Variants in RASAL2 observed in about 807,000 individuals in gnomAD.
RASAL2 encodes ras GTPase-activating protein nGAP.
A neutral mutation model predicts 128.9 loss-of-function variants in RASAL2; 58 were observed. The ratio of observed to expected loss-of-function variants is 0.45; its 90% CI spans 0.36 to 0.56. The LOEUF (loss-of-function observed/expected upper bound fraction) is 0.56. Among genes scored for constraint, RASAL2 ranks in the 20% least tolerant of loss-of-function variants. The pLI, the probability that RASAL2 is intolerant of heterozygous loss-of-function variation, is 0.00. For missense variants in RASAL2, 1,360 were observed against 1,601.6 expected, an observed-to-expected ratio of 0.85 and a Z score of 2.57; for synonymous variants, 561 against 580.8, an observed-to-expected ratio of 0.97 and a Z score of 0.49.
intron 2 of RASAL2, among the ~76,000 whole-genome samples, chr1:178,289,593 G>A (rs913629934): frequency 6.6e-6 from 1 of 152,032 alleles, no homozygotes; most frequent in Non-Finnish European, 1.5e-5. Flanking sequence ...GGGATTACAG[G>A]CATGAGCCAC....
At chr1:178,142,175 T>C (rs754179208) in intron 1 of RASAL2, among the ~76,000 whole-genome samples, 9 of 152,156 alleles carry the variant, frequency 5.9e-5, no homozygotes, top group Non-Finnish European at 1.2e-4. Flanking sequence ...GCCTGGATTT[T>C]TGGGTTCCTT....
At chr1:178,433,244 A>G (rs915382967) in intron 5 of RASAL2, among the ~76,000 whole-genome samples, 1 of 151,988 alleles carries the variant, frequency 6.6e-6, no homozygotes, top group Non-Finnish European at 1.5e-5. Flanking sequence ...AGTGAAATCC[A>G]CCCCATCCCC....
chr1:178,279,796 G>A (rs1229511487), intron 1 of RASAL2, among the ~76,000 whole-genome samples: 1 of 152,156 alleles, frequency 6.6e-6, no homozygotes, highest in African/African-American at 2.4e-5. Flanking sequence ...TAGAAAATTT[G>A]CATCTGCAAC....
intron 3 of RASAL2, among the ~76,000 whole-genome samples, chr1:178,384,863 A>G (rs12048834): frequency 0.079 from 11,988 of 152,194 alleles, 543 homozygotes; most frequent in Middle Eastern, 0.14. Flanking sequence ...TCTAAAAATG[A>G]TAGACATTAT....
At chr1:178,389,085 T>C (rs1331018624) in intron 3 of RASAL2, among the ~76,000 whole-genome samples, 1 of 152,208 alleles carries the variant, frequency 6.6e-6, no homozygotes, top group Non-Finnish European at 1.5e-5. Flanking sequence ...AAGTTTAAAC[T>C]GCATCTGTCT....
chr1:178,458,241 G>A lies in RASAL2; in HGVS notation c.2949G>A (p.Glu983=), dbSNP rs778287665. ...TCACTAAACGTAGCACTCAGAGTGA[G>A]GACTTCTCCAGGCGGCACACGGTGC... ...EDFTKRSTQS[E]DFSRRHTVPD... is the part of the protein sequence containing the mutation. Residue 983 remains glutamate, a synonymous_variant, in exon 14 of 18, where the codon GAG becomes GAA. Coordinates refer to ENST00000367649, the MANE Select transcript of RASAL2 (RefSeq NM_170692.4). The A allele has an allele frequency of 1.2e-6, 2 of 1,614,252 alleles. No homozygotes were observed. Among genetic ancestry groups the A allele is most frequent in the South Asian group, 1.1e-5 (1 of 91,082 alleles).
intron 1 of RASAL2, among the ~76,000 whole-genome samples, chr1:178,167,669 T>C (rs1015572306): frequency 5.9e-5 from 9 of 152,128 alleles, no homozygotes; most frequent in Admixed American, 6.6e-5. Context: ...AATATACAAA[T>C]AAACTAGTAT....
chr1:178,271,796 T>C (rs901848890), intron 1 of RASAL2, among the ~76,000 whole-genome samples: 25 of 152,234 alleles, frequency 1.6e-4, no homozygotes, highest in African/African-American at 5.8e-4. Context: ...ACCTGGTTTA[T>C]TGGGCTTTGC....
chr1:178,375,564 CTG>C (rs1671944255), intron 3 of RASAL2, among the ~76,000 whole-genome samples: 1 of 152,128 alleles, frequency 6.6e-6, no homozygotes, highest in African/African-American at 2.4e-5. Context: ...TAAAACCAGA[CTG>C]TGAATGCCTC....
intron 4 of RASAL2, among the ~76,000 whole-genome samples, chr1:178,400,976 C>G (rs1452938700): frequency 6.6e-6 from 1 of 152,150 alleles, no homozygotes; most frequent in African/African-American, 2.4e-5. Context: ...GTCTTGAACT[C>G]CTGCCCTCAG....
chr1:178,153,935 A>C (rs1052989218), intron 1 of RASAL2, among the ~76,000 whole-genome samples: 4 of 152,138 alleles, frequency 2.6e-5, no homozygotes, highest in African/African-American at 9.7e-5. Flanking sequence ...TCCTGGGTGC[A>C]AGCGAGTCTC....
intron 5 of RASAL2, among the ~76,000 whole-genome samples, chr1:178,424,511 G>GCT (rs1337184555): frequency 2.0e-5 from 3 of 152,024 alleles, no homozygotes; most frequent in Non-Finnish European, 2.9e-5. Flanking sequence ...ACCCAGGCTG[G>GCT]AGTGCAGTGG....
intron 1 of RASAL2, among the ~76,000 whole-genome samples, chr1:178,274,095 G>A (rs572606947): frequency 1.3e-5 from 2 of 152,270 alleles, no homozygotes; most frequent in East Asian, 1.9e-4. Flanking sequence ...ATAAATAGAG[G>A]TAGAGCTATT....
At chr1:178,397,152 A>T (rs1340344784) in intron 4 of RASAL2, among the ~76,000 whole-genome samples, 1 of 152,214 alleles carries the variant, frequency 6.6e-6, no homozygotes, top group South Asian at 2.1e-4. Flanking sequence ...TTGAAAATAT[A>T]TGTCCACATA....
intron 1 of RASAL2, among the ~76,000 whole-genome samples, chr1:178,177,663 G>A (rs1159417521): frequency 1.3e-5 from 2 of 152,106 alleles, no homozygotes; most frequent in Admixed American, 6.6e-5. Flanking sequence ...GAATAGCATG[G>A]GAAGGTCCCC....
intron 3 of RASAL2, among the ~76,000 whole-genome samples, chr1:178,306,850 T>C (rs1311803418): frequency 1.7e-5 from 2 of 116,852 alleles, no homozygotes; most frequent in African/African-American, 3.3e-5. Context: ...AACATCACAC[T>C]CTGGGGACTG....
chr1:178,387,412 T>C (rs1309614731), intron 3 of RASAL2, among the ~76,000 whole-genome samples: 3 of 152,146 alleles, frequency 2.0e-5, no homozygotes, highest in Non-Finnish European at 4.4e-5. Flanking sequence ...TTAGGGTACA[T>C]GTGCACCATG....
intron 1 of RASAL2, among the ~76,000 whole-genome samples, chr1:178,272,323 C>G (rs892992520): frequency 4.6e-5 from 7 of 152,108 alleles, no homozygotes; most frequent in Non-Finnish European, 7.4e-5. Context: ...TCTAAGATAG[C>G]TATGCTAGGT....
At chr1:178,374,042 A>G (rs188913407) in intron 3 of RASAL2, among the ~76,000 whole-genome samples, 320 of 152,246 alleles carry the variant, frequency 2.1e-3, no homozygotes, top group Non-Finnish European at 3.8e-3. Context: ...ATAGACAGCA[A>G]TGTATCCCAT....
Sources: gnomAD v4.1 joint callset for allele counts (sites outside exome capture counted in the v4.1 genomes callset) on GRCh38, gnomAD v4.1.1 for gene constraint, MANE v1.5 for transcripts, NCBI Gene and HGNC (gene_info 2026-07-23, HGNC 2026-07-21) for gene names.